Variants in CCDC33 observed in about 807,000 individuals in gnomAD.
CCDC33 encodes the protein coiled-coil domain-containing protein 33.
A neutral mutation model predicts 91.9 loss-of-function variants in CCDC33; 94 were observed. That is an observed-to-expected ratio of 1.02 (90% CI 0.87 to 1.21). The LOEUF (loss-of-function observed/expected upper bound fraction) is 1.21, where lower values mean the gene tolerates loss of function less well. Ranked by LOEUF, CCDC33 falls within the 50% of genes most tolerant of loss-of-function variation. CCDC33 has a pLI of 0.00. For synonymous variants in CCDC33, 396 were observed against 374.5 expected (o/e 1.06, Z -0.66); for missense variants, 940 against 935.5 (o/e 1.00, Z -0.06).
At chr15:74,243,906 C>T in intron 1 of CCDC33, 79 bp from the exon 2 acceptor site, 1 of 1,484,426 alleles carries the variant, frequency 6.7e-7, no homozygotes, top group South Asian at 1.3e-5. Flanking sequence ...GATGGCACCA[C>T]TGCACTCCAG....
chr15:74,205,673 G>A (rs1308111354), intron 1 of CCDC33, among the ~76,000 whole-genome samples: 2 of 152,224 alleles, frequency 1.3e-5, no homozygotes, highest in African/African-American at 2.4e-5. Flanking sequence ...GCCTGAAGGA[G>A]CCTCCATCTG....
intron 1 of CCDC33, chr15:74,203,127 G>C (rs538272311): frequency 1.0e-6 from 1 of 985,604 alleles, no homozygotes; most frequent in South Asian, 4.7e-5. Context: ...GCTGGGCTGG[G>C]GCGGAGGCAG....
chr15:74,313,141 C>G (rs987346486), intron 11 of CCDC33, among the ~76,000 whole-genome samples: 4 of 152,214 alleles, frequency 2.6e-5, no homozygotes, highest in African/African-American at 9.7e-5. Flanking sequence ...TTCCCTTGAG[C>G]AGCATTGGTT....
At chr15:74,225,377 G>A (rs1234417639) in intron 2 of CCDC33, among the ~76,000 whole-genome samples, 2 of 151,950 alleles carry the variant, frequency 1.3e-5, no homozygotes, top group African/African-American at 2.4e-5. Context: ...TACACCCATG[G>A]AAAGCGGATG....
upstream of CCDC33, among the ~76,000 whole-genome samples, chr15:74,235,252 C>G (rs930861581): frequency 6.6e-6 from 1 of 152,188 alleles, no homozygotes; most frequent in Non-Finnish European, 1.5e-5. Flanking sequence ...GTGACCTTGG[C>G]TGGTCCTTTC....
chr15:74,291,475 G>A (rs1267603977), intron 10 of CCDC33, among the ~76,000 whole-genome samples: 5 of 152,278 alleles, frequency 3.3e-5, no homozygotes, highest in Non-Finnish European at 5.9e-5. Flanking sequence ...CAGGCGGGCA[G>A]AGCCCAAAGC....
At chr15:74,304,070 A>G (rs2059846218) in intron 11 of CCDC33, 1 of 152,250 alleles carries the variant, frequency 6.6e-6, no homozygotes, top group Admixed American at 6.5e-5. Context: ...TCTCACCTGC[A>G]TAGCTCTTGC....
Position 74,218,944 on chromosome 15 carries a change from T to C in CCDC33, c.675+83T>C, listed in dbSNP as rs1048546778. ...CTCCGTGATAAGCCAGGCTACCCCCTGTCCTGAGCTGAGCTGAGCAGAGCA... is the reference window on the plus strand; with the variant it reads ...CTCCGTGATAAGCCAGGCTACCCCCCGTCCTGAGCTGAGCTGAGCAGAGCA... On this transcript the variant is annotated intron_variant, in intron 2 of 2. Transcript: ENST00000635913. This position sits in a 1 kb window ranked among gnomAD's most constrained non-coding sequence, Gnocchi z 4.8. 1.7e-6 allele frequency: 2 copies of C among 1,176,392 alleles called. No homozygotes were observed. Among genetic ancestry groups the C allele is most frequent in the Admixed American group, 7.2e-5 (2 of 27,738 alleles). The allele number at this position is 1,176,392 out of a possible 1,614,324, so 72.9% of individuals were successfully genotyped here. A position where few individuals can be genotyped will look rare whatever the true frequency, so the allele number is the denominator to read the frequency against.
chr15:74,263,439 A>T (rs1351098114), intron 3 of CCDC33, among the ~76,000 whole-genome samples: 2 of 152,216 alleles, frequency 1.3e-5, no homozygotes, highest in African/African-American at 4.8e-5. Context: ...GGACCTAGAC[A>T]GATCTCCTTG....
chr15:74,328,416 C>T (rs1249466524), intron 11 of CCDC33, among the ~76,000 whole-genome samples: 1 of 152,206 alleles, frequency 6.6e-6, no homozygotes, highest in Non-Finnish European at 1.5e-5. Context: ...GACTCTGAGG[C>T]TCAGAAAGGT....
intron 11 of CCDC33, among the ~76,000 whole-genome samples, chr15:74,313,583 C>T (rs947416316): frequency 6.6e-6 from 1 of 152,022 alleles, no homozygotes; most frequent in African/African-American, 2.4e-5. Flanking sequence ...CGATGCTCCG[C>T]TAATTTTTAT....
In CCDC33 at chr15:74,256,386, A is replaced by G. The variant is rs550099403; in HGVS notation, c.186-6054A>G. On this transcript the variant is annotated intron_variant, in intron 2 of 18. Transcript: ENST00000398814. ...GGAAGTTCGACTTTATGTCTGGCCC[A>G]CGTTCCTCCTGCCCTAAGGCTGCGT... Among the ~76,000 whole-genome samples the G allele has an allele frequency of 2.0e-5, 3 of 151,662 alleles. No individual in the cohort carries two copies. In the South Asian group the frequency reaches 6.3e-4, roughly 32 times the overall value.
intron 11 of CCDC33, among the ~76,000 whole-genome samples, chr15:74,310,177 A>G (rs2059965085): frequency 6.6e-6 from 1 of 151,690 alleles, no homozygotes; most frequent in Non-Finnish European, 1.5e-5. Context: ...AACAAAAACA[A>G]CTCTGGGAAG....
intron 11 of CCDC33, among the ~76,000 whole-genome samples, chr15:74,317,812 GA>G (rs2060120133): frequency 6.6e-6 from 1 of 151,352 alleles, no homozygotes; most frequent in Non-Finnish European, 1.5e-5. Flanking sequence ...AACCCAGGCT[GA>G]AGCCAGTTAT....
chr15:74,248,133 GT>G (rs1266940685), intron 2 of CCDC33, among the ~76,000 whole-genome samples: 1 of 152,042 alleles, frequency 6.6e-6, no homozygotes, highest in Non-Finnish European at 1.5e-5. Flanking sequence ...GATTTTAAGT[GT>G]TTTCACCACA....
At chr15:74,283,175 AGGG>A (rs2059401598) in intron 10 of CCDC33, among the ~76,000 whole-genome samples, 1 of 152,176 alleles carries the variant, frequency 6.6e-6, no homozygotes, top group Admixed American at 6.5e-5. Flanking sequence ...TGCCCTCTCA[AGGG>A]TAGAAGCAAC....
chr15:74,239,511 T>C (rs1419563151), intron 1 of CCDC33, among the ~76,000 whole-genome samples: 2 of 152,180 alleles, frequency 1.3e-5, no homozygotes, highest in Non-Finnish European at 2.9e-5. Flanking sequence ...GGCACTGGAG[T>C]TAGCAGCTTC....
Position 74,204,531 on chromosome 15 carries a change from A to G in CCDC33, n.89+1433A>G, listed in dbSNP as rs1314016499. 2.6e-5 allele frequency among the ~76,000 whole-genome samples: 4 copies of G among 152,166 alleles called. No individual in the cohort carries two copies. The East Asian group carries it at 5.8e-4, about 22-fold the overall frequency. ...TTACCTTAGGGAGCAGCCAACTCCC[A>G]TCTGATTTTAAATCCACCTCCAACC... On this transcript the variant is annotated intron_variant and non_coding_transcript_variant, in intron 1 of 3. Coordinates refer to the CCDC33 transcript ENST00000558645.
chr15:74,268,499 G>GGGGGGGGGGGGC, intron 5 of CCDC33, 41 bp downstream of exon 5: 1 of 1,236,356 alleles, frequency 8.1e-7, no homozygotes, highest in Non-Finnish European at 1.2e-6. Flanking sequence ...GTGGGGGTGG[G>GGGGGGGGGGGGC]AAAGGGCCAA....
Sources: gnomAD v4.1 joint callset for allele counts (sites outside exome capture counted in the v4.1 genomes callset) on GRCh38, gnomAD v4.1.1 for gene constraint, Gnocchi (gnomAD v3.1) non-coding constraint, MANE v1.5 for transcripts, NCBI Gene and HGNC (gene_info 2026-07-23, HGNC 2026-07-21) for gene names.